Variants in RAD51B observed in about 807,000 individuals in gnomAD.
The protein encoded by RAD51B is DNA repair protein RAD51 homolog 2.
In RAD51B, 38 loss-of-function variants were observed where a neutral mutation model predicts 42.2. That is an observed-to-expected ratio of 0.90 (90% CI 0.70 to 1.18). The LOEUF is 1.18. RAD51B is among the 50% of genes most tolerant of loss of function. The pLI is 0.00. For missense variants in RAD51B, 373 were observed against 400.7 expected, an observed-to-expected ratio of 0.93 and a Z score of 0.59; for synonymous variants, 154 against 145.2, an observed-to-expected ratio of 1.06 and a Z score of -0.43.
chr14:68,248,642 A>T (rs1032077689), intron 7 of RAD51B, among the ~76,000 whole-genome samples: 1 of 152,136 alleles, frequency 6.6e-6, no homozygotes, highest in African/African-American at 2.4e-5. Context: ...GGGAGTGGGT[A>T]TCTGAATAGT....
chr14:67,944,083 AG>A (rs1215209661), intron 7 of RAD51B, among the ~76,000 whole-genome samples: 1 of 152,166 alleles, frequency 6.6e-6, no homozygotes, highest in African/African-American at 2.4e-5. Context: ...TAAAGAAAAC[AG>A]TACAGCCAGG....
intron 7 of RAD51B, among the ~76,000 whole-genome samples, chr14:68,131,632 G>T (rs2077894795): frequency 6.6e-6 from 1 of 152,170 alleles, no homozygotes; most frequent in African/African-American, 2.4e-5. Context: ...GTGGGCGGAG[G>T]TTGCAGTGAG....
downstream of RAD51B, among the ~76,000 whole-genome samples, chr14:68,481,310 A>G (rs1883163121): frequency 6.6e-6 from 1 of 152,178 alleles, no homozygotes; most frequent in East Asian, 1.9e-4. Context: ...TTGTTCACAC[A>G]TTAAAATGGA....
intron 7 of RAD51B, among the ~76,000 whole-genome samples, chr14:67,976,116 T>C (rs1198106903): frequency 6.6e-6 from 1 of 150,568 alleles, no homozygotes; most frequent in Non-Finnish European, 1.5e-5. Flanking sequence ...TTTTTTTTGG[T>C]TGTTGTTGTT....
At chr14:68,480,029 G>A (rs897935871), downstream of RAD51B, among the ~76,000 whole-genome samples, 9 of 151,928 alleles carry the variant, frequency 5.9e-5, no homozygotes. Context: ...TAAAACTTAC[G>A]TTAAATAAAT....
chr14:68,279,880 T>C (rs2081289136), intron 7 of RAD51B, among the ~76,000 whole-genome samples: 1 of 152,234 alleles, frequency 6.6e-6, no homozygotes, highest in Admixed American at 6.5e-5. Flanking sequence ...TGCGTTGAAA[T>C]GAAACTGAGA....
At chr14:68,436,634 G>C (rs188830274) in intron 9 of RAD51B, among the ~76,000 whole-genome samples, 3 of 152,236 alleles carry the variant, frequency 2.0e-5, no homozygotes, top group Non-Finnish European at 4.4e-5. Context: ...TAATGATATT[G>C]ATTATTCTAA....
chr14:68,495,451 T>G (rs1884436631), intron 10 of RAD51B, among the ~76,000 whole-genome samples: 1 of 152,172 alleles, frequency 6.6e-6, no homozygotes, highest in South Asian at 2.1e-4. Context: ...AGAGAGCTCT[T>G]GTTTTAAGTT....
At chr14:68,608,567 C>T (rs556597965) in intron 10 of RAD51B, among the ~76,000 whole-genome samples, 48 of 152,286 alleles carry the variant, frequency 3.2e-4, no homozygotes, top group African/African-American at 9.4e-4. Flanking sequence ...AGGTAGCTGG[C>T]GGCTGCAGAG....
At chr14:68,312,215 A>C (rs1233689617) in intron 8 of RAD51B, among the ~76,000 whole-genome samples, 1 of 152,224 alleles carries the variant, frequency 6.6e-6, no homozygotes, top group Non-Finnish European at 1.5e-5. Flanking sequence ...AGATTGGCTC[A>C]GCCTGCACTG....
At chr14:68,510,658 C>A (rs541668455) in intron 10 of RAD51B, among the ~76,000 whole-genome samples, 14 of 152,286 alleles carry the variant, frequency 9.2e-5, no homozygotes, top group Non-Finnish European at 1.9e-4. Flanking sequence ...TTCAGCAAGG[C>A]CTGAGCCACT....
At chr14:68,113,584 A>T (rs543627799) in intron 7 of RAD51B, 1 of 151,312 alleles carries the variant, frequency 6.6e-6, no homozygotes, top group Non-Finnish European at 1.5e-5. Context: ...CAACATATTC[A>T]TATGATCTGT....
In RAD51B at chr14:68,344,946, C is replaced by CAA. The variant is rs34579667; in HGVS notation, c.853+52986_853+52987dup. Among the ~76,000 whole-genome samples, 889 of 112,914 alleles carry CAA rather than the reference C, an allele frequency of 7.9e-3. 19 individuals carry two copies. Among genetic ancestry groups the CAA allele is most frequent in the Admixed American group, 0.01 (99 of 9,778 alleles). 74.1% of individuals were successfully genotyped at this position (112,914 alleles called of 152,430 possible). A position where few individuals can be genotyped will look rare whatever the true frequency, so the allele number is the denominator to read the frequency against. ...TGGGCAACAGTGTAAGACTCAATCT[C>CAA]AAAAAAAAAAAAAAAAAAAAACAAC... On this transcript the variant is annotated intron_variant, in intron 8 of 10. Transcript: ENST00000471583.
intron 9 of RAD51B, among the ~76,000 whole-genome samples, chr14:68,445,213 A>G (rs1183735850): frequency 1.3e-5 from 2 of 152,196 alleles, no homozygotes; most frequent in Non-Finnish European, 2.9e-5. Flanking sequence ...TTAGGGGAAG[A>G]GACTGCAGAA....
At chr14:68,506,215 C>A (rs1249634995) in intron 10 of RAD51B, among the ~76,000 whole-genome samples, 1 of 152,174 alleles carries the variant, frequency 6.6e-6, no homozygotes, top group African/African-American at 2.4e-5. Context: ...GTCCTCCCAG[C>A]CAGGTTTCAG....
At chr14:68,595,953 T>C (rs1416266119) in exon 11 of RAD51B, 4 of 235,798 alleles carry the variant, frequency 1.7e-5, no homozygotes, top group Non-Finnish European at 1.6e-5. Flanking sequence ...GGAATTGTCT[T>C]TTTTTTTTTT....
intron 10 of RAD51B, among the ~76,000 whole-genome samples, chr14:68,602,251 C>G (rs1036507798): frequency 9.9e-5 from 15 of 151,996 alleles, no homozygotes; most frequent in African/African-American, 3.4e-4. Flanking sequence ...TACTCTCCCT[C>G]CCAGCAAGCT....
At chr14:68,392,989 T>C (rs1479241355) in intron 8 of RAD51B, among the ~76,000 whole-genome samples, 2 of 152,256 alleles carry the variant, frequency 1.3e-5, no homozygotes, top group African/African-American at 4.8e-5. Context: ...TCTGCTTTGC[T>C]GGCTTCAGCG....
intron 8 of RAD51B, among the ~76,000 whole-genome samples, chr14:68,349,341 A>AT (rs2082736447): frequency 6.6e-6 from 1 of 151,878 alleles, no homozygotes; most frequent in African/African-American, 2.4e-5. Flanking sequence ...GGGCAAAGGA[A>AT]TTCTCCTTTC....
Sources: allele counts gnomAD v4.1 joint callset (sites outside exome capture counted in the v4.1 genomes callset), GRCh38; gene constraint gnomAD v4.1.1; transcripts MANE v1.5; gene names NCBI Gene and HGNC (gene_info 2026-07-23, HGNC 2026-07-21).